The following DDX10 variants were observed in gnomAD, a reference collection of about 807,000 sequenced individuals.
The protein encoded by DDX10 is probable ATP-dependent RNA helicase DDX10.
Under a neutral mutation model 104.3 loss-of-function variants are expected in DDX10, and 74 were observed. That is an observed-to-expected ratio of 0.71 (90% CI 0.59 to 0.86). DDX10 has a LOEUF of 0.86. DDX10 is among the 40% of genes least tolerant of loss of function. The pLI is 0.00. For missense variants in DDX10, 952 were observed against 1,040.0 expected (o/e 0.92, Z 1.16); for synonymous variants, 351 against 353.4 (o/e 0.99, Z 0.08).
intron 13 of DDX10, among the ~76,000 whole-genome samples, chr11:108,756,324 A>G (rs1166790116): frequency 5.3e-5 from 8 of 152,058 alleles, no homozygotes; most frequent in East Asian, 3.8e-4. Context: ...GTGAGACCAC[A>G]TACATTTGGA....
intron 13 of DDX10, among the ~76,000 whole-genome samples, chr11:108,759,539 T>A (rs1229088071): frequency 6.6e-6 from 1 of 152,032 alleles, no homozygotes; most frequent in Non-Finnish European, 1.5e-5. Context: ...ATCTATTTGA[T>A]CTAGAATGTG....
intron 9 of DDX10, among the ~76,000 whole-genome samples, chr11:108,704,076 C>T (rs886265643): frequency 6.6e-6 from 1 of 151,896 alleles, no homozygotes; most frequent in Admixed American, 6.6e-5. Flanking sequence ...GATCATGGGC[C>T]CTTTGTGACT....
At chr11:108,725,400 T>A (rs2094304156) in intron 13 of DDX10, among the ~76,000 whole-genome samples, 1 of 152,112 alleles carries the variant, frequency 6.6e-6, no homozygotes, top group Admixed American at 6.6e-5. Context: ...CCAGTTGTTT[T>A]CCAAATCAGC....
intron 11 of DDX10, among the ~76,000 whole-genome samples, chr11:108,716,951 C>T (rs974895759): frequency 6.6e-6 from 1 of 151,636 alleles, no homozygotes; most frequent in African/African-American, 2.4e-5. Context: ...TTAGAATATT[C>T]CACAGTAGAT....
At chr11:108,830,532 C>T (rs1444966103) in intron 13 of DDX10, among the ~76,000 whole-genome samples, 5 of 152,114 alleles carry the variant, frequency 3.3e-5, no homozygotes, top group Non-Finnish European at 1.5e-5. Flanking sequence ...TTTGGTTTCC[C>T]TTTATTTCTT....
At chr11:108,882,106 T>C (rs899726337) in intron 16 of DDX10, among the ~76,000 whole-genome samples, 1 of 152,150 alleles carries the variant, frequency 6.6e-6, no homozygotes, top group Admixed American at 6.6e-5. Context: ...CATGAGGTAA[T>C]TATGAACTGT....
At chr11:108,822,436 G>T in intron 13 of DDX10, 1 of 380,588 alleles carries the variant, frequency 2.6e-6, no homozygotes, top group South Asian at 2.2e-5. Context: ...GTTCTTCTTG[G>T]GAGTCTCCAA....
At chr11:108,788,233 T>C (rs1861821465) in intron 13 of DDX10, among the ~76,000 whole-genome samples, 1 of 152,210 alleles carries the variant, frequency 6.6e-6, no homozygotes, top group South Asian at 2.1e-4. Context: ...GCTGATTCTT[T>C]CTTGTGTGTG....
At chr11:108,937,363 A>G (rs1591133181) in intron 17 of DDX10, among the ~76,000 whole-genome samples, 1 of 152,348 alleles carries the variant, frequency 6.6e-6, no homozygotes, top group East Asian at 1.9e-4. Flanking sequence ...CCAGGAAATC[A>G]ACCCTATTAA....
chr11:108,905,318 G>GT (rs1565314609), intron 16 of DDX10, among the ~76,000 whole-genome samples: 1 of 148,800 alleles, frequency 6.7e-6, no homozygotes, highest in Non-Finnish European at 1.5e-5. Context: ...TTTAAGGGGG[G>GT]GGGGGGTTGA....
At chr11:108,845,086 T>C (rs773585539) in intron 15 of DDX10, among the ~76,000 whole-genome samples, 2 of 152,032 alleles carry the variant, frequency 1.3e-5, no homozygotes, top group Non-Finnish European at 2.9e-5. Context: ...CGGGCGCCTG[T>C]AGTCCCAGCT....
chr11:108,830,737 T>C (rs1342514557), intron 13 of DDX10, among the ~76,000 whole-genome samples: 1 of 152,210 alleles, frequency 6.6e-6, no homozygotes, highest in Non-Finnish European at 1.5e-5. Flanking sequence ...CTTTGCTAAC[T>C]GTGCTTAGGA....
At chr11:108,880,500 A>G (rs998177126) in intron 16 of DDX10, among the ~76,000 whole-genome samples, 1 of 152,202 alleles carries the variant, frequency 6.6e-6, no homozygotes, top group South Asian at 2.1e-4. Flanking sequence ...TGAAGGGCCC[A>G]CTTTCTAGCT....
intron 13 of DDX10, among the ~76,000 whole-genome samples, chr11:108,820,705 T>C (rs1270517750): frequency 6.6e-6 from 1 of 152,126 alleles, no homozygotes; most frequent in Non-Finnish European, 1.5e-5. Flanking sequence ...AAGTTGAGCA[T>C]GGTTTCAGAC....
intron 13 of DDX10, among the ~76,000 whole-genome samples, chr11:108,743,989 T>C (rs575013043): frequency 2.8e-4 from 42 of 152,246 alleles, no homozygotes; most frequent in Admixed American, 1.2e-3. Context: ...TAACCAGAAA[T>C]GAAAGTAGGC....
At chr11:108,916,051 A>T (rs1347338742) in intron 16 of DDX10, among the ~76,000 whole-genome samples, 1 of 151,708 alleles carries the variant, frequency 6.6e-6, no homozygotes, top group Non-Finnish European at 1.5e-5. Context: ...TATATTTTTT[A>T]AATTTTTAAT....
intron 16 of DDX10, among the ~76,000 whole-genome samples, chr11:108,867,017 A>G (rs1211005417): frequency 1.3e-5 from 2 of 152,206 alleles, no homozygotes; most frequent in Non-Finnish European, 2.9e-5. Context: ...TGAAGCATCA[A>G]TCAAGATGAG....
chr11:108,779,253 C>T (rs966820222), intron 13 of DDX10, among the ~76,000 whole-genome samples: 1 of 152,148 alleles, frequency 6.6e-6, no homozygotes, highest in African/African-American at 2.4e-5. Flanking sequence ...TTTATTGCAG[C>T]ACTATTCACA....
chr11:108,843,015 A>G (rs1163583120), intron 15 of DDX10, among the ~76,000 whole-genome samples: 2 of 152,258 alleles, frequency 1.3e-5, no homozygotes, highest in Non-Finnish European at 2.9e-5. Flanking sequence ...AGTTAATTTC[A>G]AATTGGCAAA....
Sources: gnomAD v4.1 joint callset for allele counts (sites outside exome capture counted in the v4.1 genomes callset) on GRCh38, gnomAD v4.1.1 for gene constraint, MANE v1.5 for transcripts, NCBI Gene and HGNC (gene_info 2026-07-23, HGNC 2026-07-21) for gene names.